NEK1: variants seen among roughly 807,000 people sequenced by gnomAD.
The protein encoded by NEK1 is NIMA related kinase 1, also known as serine/threonine-protein kinase Nek1.
A neutral mutation model predicts 182.1 loss-of-function variants in NEK1; 137 were observed. The observed-to-expected ratio is 0.75, with a 90% CI of 0.65 to 0.87. The LOEUF is 0.87. NEK1 is among the 40% of genes least tolerant of loss of function. NEK1 has a pLI of 0.00. For missense variants in NEK1, 1,391 were observed against 1,494.4 expected (o/e 0.93, Z 1.14); for synonymous variants, 513 against 492.2 (o/e 1.04, Z -0.56).
chr4:169,528,111 C>T (rs1038481270), intron 19 of NEK1, among the ~76,000 whole-genome samples: 3 of 152,082 alleles, frequency 2.0e-5, no homozygotes, highest in Non-Finnish European at 4.4e-5. Context: ...CTCCATGATG[C>T]CCAGCTCCTA....
intron 23 of NEK1, among the ~76,000 whole-genome samples, chr4:169,499,429 G>C (rs1333197384): frequency 6.6e-6 from 1 of 152,166 alleles, no homozygotes; most frequent in African/African-American, 2.4e-5. Flanking sequence ...GTCCAGCTTT[G>C]TTCTGTTGCT....
At chr4:169,469,843 C>T (rs1329827505) in intron 26 of NEK1, among the ~76,000 whole-genome samples, 5 of 151,706 alleles carry the variant, frequency 3.3e-5, no homozygotes, top group Non-Finnish European at 5.9e-5. Context: ...TAGAGCTTCT[C>T]GTTGCATTGA....
chr4:169,472,632 C>T (rs1442161109), intron 26 of NEK1, among the ~76,000 whole-genome samples: 1 of 152,192 alleles, frequency 6.6e-6, no homozygotes, highest in Admixed American at 6.5e-5. Flanking sequence ...CCTTTGCCTC[C>T]ATGCATCCTT....
chr4:169,585,826 A>G (rs989086059), intron 9 of NEK1, among the ~76,000 whole-genome samples: 27 of 152,274 alleles, frequency 1.8e-4, no homozygotes, highest in African/African-American at 6.5e-4. Flanking sequence ...TCAAATGGTG[A>G]AAGGTTATGC....
intron 27 of NEK1, among the ~76,000 whole-genome samples, chr4:169,456,978 T>C (rs1459202793): frequency 6.6e-6 from 1 of 152,194 alleles, no homozygotes; most frequent in South Asian, 2.1e-4. Context: ...TCACATGTTC[T>C]CACTTATTTG....
intron 31 of NEK1, among the ~76,000 whole-genome samples, chr4:169,418,699 A>G (rs759210891): frequency 1.3e-5 from 2 of 152,230 alleles, no homozygotes; most frequent in Non-Finnish European, 2.9e-5. Flanking sequence ...ACAAGGAAGT[A>G]CAGAGAGAAA....
chr4:169,585,353 GGA>G lies in NEK1; in HGVS notation c.801_802del (p.Pro268SerfsTer23). 3 of 1,612,204 alleles carry G rather than the reference GGA, an allele frequency of 1.9e-6. No individual in the cohort carries two copies. Reference sequence around the variant, plus strand: ...TTTAAAGGAAAAAGAACTTACCTGAGGAGAGAGAAACTTTTCAATGCGTTTGG... The same window carrying G: ...TTTAAAGGAAAAAGAACTTACCTGAGGAGAGAAACTTTTCAATGCGTTTGG... On this transcript the variant is annotated frameshift_variant, in exon 10 of 36. Coordinates refer to ENST00000507142, the MANE Select transcript of NEK1 (RefSeq NM_001199397.3). LOFTEE classifies it high-confidence loss of function.
intron 5 of NEK1, among the ~76,000 whole-genome samples, chr4:169,597,366 C>A (rs74986829): frequency 0.013 from 2,030 of 152,174 alleles, 42 homozygotes; most frequent in African/African-American, 0.046. Context: ...ATAATCCCAG[C>A]ACTTTGAGAG....
chr4:169,403,603 C>A (rs1042095316), intron 32 of NEK1, among the ~76,000 whole-genome samples: 1 of 151,978 alleles, frequency 6.6e-6, no homozygotes, highest in South Asian at 2.1e-4. Context: ...AAAAGATCAA[C>A]GAAGTATGCA....
chr4:169,460,583 A>T (rs1021958262), intron 27 of NEK1, among the ~76,000 whole-genome samples: 1 of 152,088 alleles, frequency 6.6e-6, no homozygotes, highest in African/African-American at 2.4e-5. Context: ...GGTCTATTAA[A>T]CAAACAAAAA....
rs773844847 is a variant in NEK1 at position 169,426,245 on chromosome 4, T to C, written c.2886-11A>G. The C allele has an allele frequency of 3.7e-6, 6 of 1,609,244 alleles. No homozygotes were observed. The highest frequency in any genetic ancestry group is 1.7e-5 in the Admixed American group (1 of 59,638). On this transcript the variant is annotated splice_polypyrimidine_tract_variant and intron_variant, in intron 29 of 35. Coordinates refer to ENST00000507142, the MANE Select transcript of NEK1 (RefSeq NM_001199397.3). ...ATCCTATCTGCCGACCTGCCACAGATGGGTACACCAATTAAAAACACACAC... is the reference window on the plus strand; with the variant it reads ...ATCCTATCTGCCGACCTGCCACAGACGGGTACACCAATTAAAAACACACAC...
At position 169,610,546 on chromosome 4, in the gene NEK1, C is replaced by G. The variant is rs1772151287; in HGVS notation, c.-49+1474G>C. On this transcript the variant is annotated intron_variant, in intron 2 of 35. Transcript: ENST00000507142. ...CAGGCTTGTCTCAACCTCCTGACCTCAAGTGATCCACCCACCGTGGCCTCC... is the reference window on the plus strand; with the variant it reads ...CAGGCTTGTCTCAACCTCCTGACCTGAAGTGATCCACCCACCGTGGCCTCC... Among the ~76,000 whole-genome samples the G allele has an allele frequency of 2.0e-5, 3 of 152,136 alleles. 1 individual carries two copies. Among genetic ancestry groups the G allele is most frequent in the South Asian group, 4.1e-4 (2 of 4,830 alleles).
At chr4:169,560,408 G>A (rs1762736443) in intron 16 of NEK1, among the ~76,000 whole-genome samples, 2 of 152,180 alleles carry the variant, frequency 1.3e-5, no homozygotes, top group Admixed American at 6.5e-5. Context: ...CAGGTGAGCA[G>A]AATTCTCTCT....
At chr4:169,421,226 A>G (rs1735442369) in intron 31 of NEK1, among the ~76,000 whole-genome samples, 1 of 152,182 alleles carries the variant, frequency 6.6e-6, no homozygotes, top group South Asian at 2.1e-4. Flanking sequence ...TGATAAGTAG[A>G]AAGAAAATCA....
chr4:169,501,463 C>A (rs895467513), intron 23 of NEK1, among the ~76,000 whole-genome samples: 3 of 152,296 alleles, frequency 2.0e-5, no homozygotes, highest in Middle Eastern at 3.4e-3. Context: ...TTTATCTGCA[C>A]ACAGAACATA....
intron 10 of NEK1, among the ~76,000 whole-genome samples, chr4:169,582,723 G>A (rs1214238924): frequency 6.6e-6 from 1 of 152,050 alleles, no homozygotes; most frequent in Admixed American, 6.5e-5. Flanking sequence ...CCTACGTTAT[G>A]TTTTCCAATA....
intron 35 of NEK1, among the ~76,000 whole-genome samples, chr4:169,394,764 A>G (rs1308948765): frequency 1.3e-5 from 2 of 152,220 alleles, no homozygotes; most frequent in East Asian, 3.8e-4. Flanking sequence ...AAATCCTCCC[A>G]CAATGCTTTC....
rs1767379201 is a variant in NEK1 at position 169,585,451 on chromosome 4, C to CA, written c.704dup (p.Ser236ValfsTer5). On this transcript the variant is annotated frameshift_variant, in exon 10 of 36. Coordinates refer to ENST00000507142, the MANE Select transcript of NEK1 (RefSeq NM_001199397.3). LOFTEE classifies it high-confidence loss of function. ...TAGGATTTCTTTTAAATAACTGAGA[C>CA]ACCAAACTGCGGAGATCATAGGAAT... The CA allele has an allele frequency of 6.2e-7, 1 of 1,613,200 alleles. No individual in the cohort carries two copies. Among genetic ancestry groups the CA allele is most frequent in the African/African-American group, 1.3e-5 (1 of 74,898 alleles).
intron 2 of NEK1, among the ~76,000 whole-genome samples, chr4:169,608,207 A>G (rs1258545339): frequency 6.6e-6 from 1 of 152,172 alleles, no homozygotes; most frequent in African/African-American, 2.4e-5. Context: ...TGTTTGGCTT[A>G]ATATCAAAAC....
Sources: gnomAD v4.1 joint callset for allele counts (sites outside exome capture counted in the v4.1 genomes callset) on GRCh38, gnomAD v4.1.1 for gene constraint, MANE v1.5 for transcripts, NCBI Gene and HGNC (gene_info 2026-07-23, HGNC 2026-07-21) for gene names.